The following WNK1 variants were observed in gnomAD, a reference collection of about 807,000 sequenced individuals.
WNK1 encodes the protein serine/threonine-protein kinase WNK1.
In WNK1, 38 loss-of-function variants were observed where a neutral mutation model predicts 222.8. That is an observed-to-expected ratio of 0.17 (90% confidence interval 0.13 to 0.22). The LOEUF (loss-of-function observed/expected upper bound fraction) is 0.22. Ranked by LOEUF, WNK1 falls within the 10% of genes least tolerant of loss-of-function variation. The probability of loss-of-function intolerance (pLI) is 1.00; values close to 1 mark genes in which losing one functional copy is unlikely to be tolerated. For synonymous variants in WNK1, 1,090 were observed against 1,092.9 expected (o/e 1.00, Z 0.05); for missense variants, 2,348 against 2,918.4 (o/e 0.80, Z 4.50).
rs1954853147 is a variant in WNK1, at chr12:897,474, C to G, written c.6246-5C>G. On this transcript the variant is annotated splice_region_variant and splice_polypyrimidine_tract_variant and intron_variant, in intron 24 of 27. Transcript: ENST00000315939. ...TTTTGAATTATGTTTGGTTATCTTT[C>G]ACAGACATCTCAAAGAGATTCAGGA... 3 of 1,550,660 alleles carry G rather than the reference C, an allele frequency of 1.9e-6. No homozygotes were observed. The highest frequency in any genetic ancestry group is 1.7e-5 in the Admixed American group (1 of 59,936).
chr12:835,285 C>T (rs1173191669), intron 4 of WNK1, among the ~76,000 whole-genome samples: 8 of 152,018 alleles, frequency 5.3e-5, no homozygotes, highest in African/African-American at 1.9e-4. Context: ...TTGCAGTGAG[C>T]CTAGATTGTG....
intron 7 of WNK1, 24 bp downstream of exon 7, chr12:861,367 G>C: frequency 2.5e-6 from 4 of 1,610,908 alleles, no homozygotes; most frequent in Non-Finnish European, 3.4e-6. Flanking sequence ...GAAGTGGACA[G>C]ATAGGCTAAT....
At chr12:808,838 A>G (rs1441380874) in intron 1 of WNK1, among the ~76,000 whole-genome samples, 10 of 145,420 alleles carry the variant, frequency 6.9e-5, no homozygotes, top group Admixed American at 3.6e-4. Flanking sequence ...ATCTCGACTC[A>G]CTGCAATCTC....
At chr12:858,017 T>A (rs754128834) in intron 5 of WNK1, among the ~76,000 whole-genome samples, 1 of 152,184 alleles carries the variant, frequency 6.6e-6, no homozygotes, top group Non-Finnish European at 1.5e-5. Flanking sequence ...AATTCCATCT[T>A]TTCACCTCTC....
At position 885,662 on chromosome 12, in the gene WNK1, A is replaced by G. The variant is rs72650733; in HGVS notation, c.4858A>G (p.Ser1620Gly). ...TGCTGTACAGCAGACACTAATTCAT[A>G]GTCAGCCTCAACCAGCTTTGCTTCC... The part of the protein sequence containing the change: ...VPAVQQTLIH[S>G]QPQPALLPNQ... Residue 1620 changes from serine to glycine, a missense_variant, in exon 19 of 28, where the codon AGT becomes GGT. Physicochemically the swap from Ser to Gly is moderately conservative, Grantham distance 56. This residue lies in a region of WNK1 where 1,144 missense variants were observed against 1,273.6 expected (regional missense o/e 0.90). Transcript: ENST00000315939. 3 of 1,614,040 alleles carry G rather than the reference A, an allele frequency of 1.9e-6. No individual in the cohort carries two copies. Among genetic ancestry groups the G allele is most frequent in the Admixed American group, 3.3e-5 (2 of 59,992 alleles).
chr12:756,383 A>C (rs139087876), intron 1 of WNK1, among the ~76,000 whole-genome samples: 1 of 152,200 alleles, frequency 6.6e-6, no homozygotes, highest in Non-Finnish European at 1.5e-5. Flanking sequence ...ACTTTGTCCA[A>C]GCTTCTCAGG....
chr12:884,550 A>G lies in WNK1; in HGVS notation c.3845-99A>G, dbSNP rs1287202797. On this transcript the variant is annotated intron_variant, in intron 18 of 27. Coordinates refer to ENST00000315939, the MANE Select transcript of WNK1 (RefSeq NM_018979.4). The surrounding 1 kb of genome is among the most constrained non-coding windows in gnomAD (Gnocchi z 5.6). ...AAGATTACTCCATATTTTTTATCAA[A>G]AACAGATATTTATAGGAGCTGACTT... 14 of 1,269,362 alleles carry G rather than the reference A, an allele frequency of 1.1e-5. No homozygotes were observed. The highest frequency in any genetic ancestry group is 1.6e-5 in the Non-Finnish European group (14 of 889,664). The allele number at this position is 1,269,362 out of a possible 1,614,324, so 78.6% of individuals were successfully genotyped here.
At chr12:868,408 A>G (rs1369644585) in intron 8 of WNK1, 1 of 1,613,802 alleles carries the variant, frequency 6.2e-7, no homozygotes, top group African/African-American at 1.3e-5. Context: ...GCCCTACTTC[A>G]AGTTCTGTCT....
chr12:881,049 GACA>G (rs1953111630), intron 12 of WNK1, 50 bp downstream of exon 12: 1 of 1,608,028 alleles, frequency 6.2e-7, no homozygotes, highest in Admixed American at 1.7e-5. Flanking sequence ...TATGTAATTG[GACA>G]ACAATGATAA....
intron 1 of WNK1, among the ~76,000 whole-genome samples, chr12:761,830 T>C (rs1941062623): frequency 6.8e-6 from 1 of 147,262 alleles, no homozygotes; most frequent in African/African-American, 2.4e-5. Flanking sequence ...TTTATCTCTT[T>C]AACATGCTAA....
In WNK1 at chr12:876,390, C is replaced by T. The variant is rs192450992; in HGVS notation, c.2224-1822C>T. On this transcript the variant is annotated intron_variant, in intron 9 of 27. Coordinates refer to ENST00000315939, the MANE Select transcript of WNK1 (RefSeq NM_018979.4). ...CGCCACTGCACTCCAGCCTGGGCAA[C>T]GGAGCGAGACTCCGTGTCAAAAAAA... Among the ~76,000 whole-genome samples the T allele has an allele frequency of 3.9e-5, 6 of 151,986 alleles. No homozygotes were observed. In the South Asian group the frequency reaches 1.0e-3, roughly 26 times the overall value.
chr12:756,944 C>T (rs1161399642), intron 1 of WNK1, among the ~76,000 whole-genome samples: 4 of 152,068 alleles, frequency 2.6e-5, no homozygotes, highest in African/African-American at 9.7e-5. Context: ...AAATAAGGAA[C>T]CTGAAATCAT....
intron 4 of WNK1, among the ~76,000 whole-genome samples, chr12:856,134 C>T (rs1166208218): frequency 2.0e-5 from 3 of 151,746 alleles, no homozygotes; most frequent in Admixed American, 2.0e-4. Context: ...CCACGGCGCC[C>T]AACCTGAAAA....
At chr12:908,285 C>A in intron 27 of WNK1, 190 bp from the exon 28 acceptor site, 2 of 758,606 alleles carry the variant, frequency 2.6e-6, no homozygotes, top group Non-Finnish European at 4.4e-6. Context: ...CACAGACACA[C>A]ACGCACATGA....
chr12:867,997 C>G, intron 8 of WNK1: 1 of 1,614,036 alleles, frequency 6.2e-7, no homozygotes, highest in Non-Finnish European at 8.5e-7. Context: ...TAGCCATTTC[C>G]CAGCGGCGTA....
chr12:779,578 T>G (rs1267690285), intron 1 of WNK1, among the ~76,000 whole-genome samples: 4 of 152,072 alleles, frequency 2.6e-5, no homozygotes, highest in African/African-American at 9.7e-5. Context: ...ATCTTTGTAT[T>G]TTTAGTAGAG....
chr12:869,268 C>A, intron 8 of WNK1: 1 of 914,846 alleles, frequency 1.1e-6, no homozygotes. Flanking sequence ...TACATATATG[C>A]ATTTAAAAAC....
intron 4 of WNK1, among the ~76,000 whole-genome samples, chr12:837,571 C>CT (rs1269140986): frequency 5.5e-5 from 5 of 91,480 alleles, no homozygotes; most frequent in Non-Finnish European, 9.2e-5. Context: ...GAGACCCTGT[C>CT]TAAAAAAAAA....
intron 1 of WNK1, among the ~76,000 whole-genome samples, chr12:797,774 C>T (rs1247733516): frequency 1.3e-5 from 2 of 151,820 alleles, no homozygotes; most frequent in Non-Finnish European, 2.9e-5. Context: ...CGTGAAACCC[C>T]CATCTTTACT....
Sources: allele counts gnomAD v4.1 joint callset (sites outside exome capture counted in the v4.1 genomes callset), GRCh38; gene constraint gnomAD v4.1.1; regional missense constraint gnomAD v4.1.1; non-coding constraint Gnocchi (gnomAD v3.1); transcripts MANE v1.5; gene names NCBI Gene and HGNC (gene_info 2026-07-23, HGNC 2026-07-21).